The following ORC3 variants were observed in gnomAD, a reference collection of about 807,000 sequenced individuals.
The protein encoded by ORC3 is homolog of latheo, Drosophila.
ORC3 carries 78 observed loss-of-function variants against 100.7 expected under a neutral mutation model. The observed-to-expected ratio is 0.77, with a 90% CI of 0.65 to 0.94. ORC3 has a LOEUF of 0.94. ORC3 is among the 40% of genes least tolerant of loss of function. ORC3 has a pLI of 0.00. For synonymous variants in ORC3, 295 were observed against 289.3 expected, an observed-to-expected ratio of 1.02 and a Z score of -0.20; for missense variants, 789 against 823.9, an observed-to-expected ratio of 0.96 and a Z score of 0.52.
intron 6 of ORC3, 120 bp from the exon 7 acceptor site, chr6:87,608,975 GA>G (rs1423477574): frequency 2.8e-5 from 20 of 718,356 alleles, no homozygotes; most frequent in South Asian, 7.8e-5. Context: ...TCGTGTGGTA[GA>G]AAAAAAATAA....
At chr6:87,590,516 G>A (rs1201424180) in intron 1 of ORC3, among the ~76,000 whole-genome samples, 3 of 152,222 alleles carry the variant, frequency 2.0e-5, no homozygotes, top group Non-Finnish European at 1.5e-5. Context: ...GTACCAAGAT[G>A]CAGTGGTAAA....
At position 87,605,912 on chromosome 6, in the gene ORC3, C is replaced by G. The variant is rs548045247; in HGVS notation, c.323-5C>G. 7.4e-6 allele frequency: 11 copies of G among 1,492,258 alleles called. No homozygotes were observed. In the South Asian group the frequency reaches 1.2e-4, roughly 16 times the overall value. 92.4% of individuals were successfully genotyped at this position (1,492,258 alleles called of 1,614,324 possible). ...GTGATGTAATATTGATGTATTATCTCATAGGTGTGAATGTCACAGATCATG... is the reference window on the plus strand; with the variant it reads ...GTGATGTAATATTGATGTATTATCTGATAGGTGTGAATGTCACAGATCATG... On this transcript the variant is annotated splice_polypyrimidine_tract_variant and splice_region_variant and intron_variant, in intron 4 of 19. Transcript: ENST00000392844.
chr6:87,653,081 T>C, intron 13 of ORC3, 35 bp from the exon 14 acceptor site: 2 of 1,518,850 alleles, frequency 1.3e-6, no homozygotes, highest in Non-Finnish European at 1.8e-6. Flanking sequence ...AATTTTCTAG[T>C]TATATTACAT....
chr6:87,599,634 G>C (rs904877206), intron 2 of ORC3, among the ~76,000 whole-genome samples: 15 of 151,444 alleles, frequency 9.9e-5, no homozygotes, highest in African/African-American at 3.4e-4. Context: ...CCAAAGCGCT[G>C]GGATTACAGG....
At chr6:87,667,791 TGGTG>T (rs1181574419), downstream of ORC3, among the ~76,000 whole-genome samples, 2 of 151,938 alleles carry the variant, frequency 1.3e-5, no homozygotes, top group Non-Finnish European at 2.9e-5. Flanking sequence ...TAGCCAGGTG[TGGTG>T]GCACATGCCT....
At chr6:87,652,392 T>G (rs1349473109) in intron 13 of ORC3, among the ~76,000 whole-genome samples, 1 of 152,208 alleles carries the variant, frequency 6.6e-6, no homozygotes, top group East Asian at 1.9e-4. Context: ...AGAATATCTG[T>G]ATTTTCTCTC....
intron 13 of ORC3, among the ~76,000 whole-genome samples, chr6:87,639,795 CATGGTGA>C (rs1353858157): frequency 1.7e-5 from 2 of 119,176 alleles, no homozygotes; most frequent in African/African-American, 6.6e-5. Flanking sequence ...GCCTGGGTAA[CATGGTGA>C]AACCCCCTCT....
chr6:87,612,857 C>G (rs1224305002), intron 8 of ORC3, among the ~76,000 whole-genome samples: 5 of 152,188 alleles, frequency 3.3e-5, no homozygotes, highest in Non-Finnish European at 7.4e-5. Flanking sequence ...ATCTACCTGC[C>G]TTGGCCTCCC....
chr6:87,614,272 G>A (rs1205586390), intron 8 of ORC3, among the ~76,000 whole-genome samples: 1 of 152,188 alleles, frequency 6.6e-6, no homozygotes, highest in Non-Finnish European at 1.5e-5. Context: ...GCCACAGCTG[G>A]AGTGGCTAGG....
the ORC3 span, among the ~76,000 whole-genome samples, chr6:87,676,596 A>ACACACACACACACAC: frequency 1.4e-5 from 2 of 142,046 alleles, no homozygotes; most frequent in African/African-American, 2.7e-5. Context: ...CTCTACTAAA[A>ACACACACACACACAC]ACACACACAC....
chr6:87,621,336 TC>T lies in ORC3; in HGVS notation c.988-17del, dbSNP rs1458172338. 2 of 1,481,574 alleles carry T rather than the reference TC, an allele frequency of 1.3e-6. No homozygotes were observed. The highest frequency in any genetic ancestry group is 5.1e-5 in the Admixed American group (2 of 39,448). 91.8% of individuals were successfully genotyped at this position (1,481,574 alleles called of 1,614,324 possible). ...GCCAAAATATAACAAATATGTTTAA[TC>T]TTCACATGTCTTTCAGCTTTCTCTA... On this transcript the variant is annotated splice_polypyrimidine_tract_variant and intron_variant, in intron 9 of 19. Transcript: ENST00000392844.
chr6:87,645,761 A>C (rs570909253), intron 13 of ORC3, among the ~76,000 whole-genome samples: 5 of 149,194 alleles, frequency 3.4e-5, no homozygotes, highest in Non-Finnish European at 7.4e-5. Flanking sequence ...TGTATGATGA[A>C]GCAGAATACT....
Position 87,635,692 on chromosome 6 carries a change from G to A in ORC3, c.1303-715G>A, listed in dbSNP as rs1767762880. Among the ~76,000 whole-genome samples, 3 of 151,972 alleles carry A rather than the reference G, an allele frequency of 2.0e-5. No individual in the cohort carries two copies. The South Asian group carries it at 6.2e-4, about 32-fold the overall frequency. On this transcript the variant is annotated intron_variant, in intron 12 of 19. Transcript: ENST00000392844. ...CACACCTGTAGTCCCAGCTATGAGG[G>A]AGGCTGAGGCAGGAGGATGGCTTGA... is the stretch of plus-strand genomic sequence containing the variant.
chr6:87,637,171 T>C (rs1018311295), intron 13 of ORC3, among the ~76,000 whole-genome samples: 9 of 152,154 alleles, frequency 5.9e-5, no homozygotes, highest in African/African-American at 1.9e-4. Flanking sequence ...TCCTCAGAGG[T>C]TGTAAATGCT....
rs777812946 is a variant in ORC3, at chr6:87,612,224, G to A, written c.849G>A (p.Glu283=). 1 of 1,610,042 alleles carries A rather than the reference G, an allele frequency of 6.2e-7. No individual in the cohort carries two copies. Among genetic ancestry groups the A allele is most frequent in the Non-Finnish European group, 8.5e-7 (1 of 1,178,588 alleles). ...TGTTCCAATCTTTGTCTTGTAAGGAGCACCTGACTACGGTACTCGATAAGG... is the reference window on the plus strand; with the variant it reads ...TGTTCCAATCTTTGTCTTGTAAGGAACACCTGACTACGGTACTCGATAAGG... The part of the protein sequence containing the change: ...IELFQSLSCK[E]HLTTVLDKLL... The change falls in exon 8 of 20, where the codon GAG becomes GAA. Residue 283 remains glutamate, a synonymous_variant. Coordinates refer to ENST00000392844, the MANE Select transcript of ORC3 (RefSeq NM_012381.4).
chr6:87,649,775 C>CTGTAATTT (rs1207544030), intron 13 of ORC3, among the ~76,000 whole-genome samples: 1 of 152,068 alleles, frequency 6.6e-6, no homozygotes, highest in Non-Finnish European at 1.5e-5. Flanking sequence ...AATTTACCCT[C>CTGTAATTT]TGTAATTTTG....
intron 13 of ORC3, among the ~76,000 whole-genome samples, chr6:87,643,552 C>T (rs751118671): frequency 6.6e-6 from 1 of 152,126 alleles, no homozygotes; most frequent in African/African-American, 2.4e-5. Flanking sequence ...TGCGGTATTC[C>T]GCTAATAGTG....
chr6:87,613,342 T>C (rs530518776), intron 8 of ORC3, among the ~76,000 whole-genome samples: 9 of 152,230 alleles, frequency 5.9e-5, no homozygotes, highest in Non-Finnish European at 1.2e-4. Context: ...AAAGACTTGC[T>C]CCCATGATTC....
Position 87,667,222 on chromosome 6 carries a change from G to A in ORC3, c.*99G>A. 2 of 681,222 alleles carry A rather than the reference G, an allele frequency of 2.9e-6. No individual in the cohort carries two copies. Among genetic ancestry groups the A allele is most frequent in the Non-Finnish European group, 4.9e-6 (2 of 405,904 alleles). The allele number at this position is 681,222 out of a possible 1,614,324, so 42.2% of individuals were successfully genotyped here. Reference sequence around the variant, plus strand: ...TTAGAGGAGCCTGTTTTGTTGAGAAGATAAATGTGTAACCCCCATTGATGT... The same window carrying A: ...TTAGAGGAGCCTGTTTTGTTGAGAAAATAAATGTGTAACCCCCATTGATGT... On this transcript the variant is annotated 3_prime_UTR_variant, in exon 20 of 20. Transcript: ENST00000392844.
Sources: allele counts gnomAD v4.1 joint callset (sites outside exome capture counted in the v4.1 genomes callset), GRCh38; gene constraint gnomAD v4.1.1; transcripts MANE v1.5; gene names NCBI Gene and HGNC (gene_info 2026-07-23, HGNC 2026-07-21).